SNX14: variants seen among roughly 807,000 people sequenced by gnomAD.
SNX14 encodes sorting nexin 14.
A neutral mutation model predicts 133.8 loss-of-function variants in SNX14; 93 were observed. The ratio of observed to expected loss-of-function variants is 0.70; its 90% confidence interval spans 0.59 to 0.83. The LOEUF is 0.83. Among genes scored for constraint, SNX14 ranks in the 40% least tolerant of loss-of-function variants. SNX14 has a pLI of 0.00. For missense variants in SNX14, 945 were observed against 1,094.9 expected (o/e 0.86, Z 1.93); for synonymous variants, 368 against 365.6 (o/e 1.01, Z -0.07).
intron 5 of SNX14, among the ~76,000 whole-genome samples, chr6:85,566,334 G>A (rs1388676671): frequency 6.6e-6 from 1 of 151,910 alleles, no homozygotes; most frequent in African/African-American, 2.4e-5. Context: ...GGAAAATATG[G>A]CATAGAAACG....
intron 1 of SNX14, among the ~76,000 whole-genome samples, chr6:85,587,309 T>C (rs1801227460): frequency 6.6e-6 from 1 of 151,846 alleles, no homozygotes; most frequent in South Asian, 2.1e-4. Flanking sequence ...ATTTTCAATA[T>C]CAAAAGTTAA....
chr6:85,544,551 CACTT>C (rs1784880056), intron 12 of SNX14, among the ~76,000 whole-genome samples: 2 of 152,166 alleles, frequency 1.3e-5, no homozygotes, highest in African/African-American at 2.4e-5. Context: ...GTAATCCCAG[CACTT>C]TGGGAGGCTG....
chr6:85,511,019 C>T (rs749792660), intron 26 of SNX14, among the ~76,000 whole-genome samples: 1 of 152,132 alleles, frequency 6.6e-6, no homozygotes, highest in African/African-American at 2.4e-5. Context: ...TTCAGAAGAA[C>T]GGACATCTTG....
At chr6:85,506,776 C>T (rs1770868868) in intron 28 of SNX14, among the ~76,000 whole-genome samples, 1 of 152,170 alleles carries the variant, frequency 6.6e-6, no homozygotes, top group Non-Finnish European at 1.5e-5. Context: ...TAAACCTTTG[C>T]TCAAAACTCA....
chr6:85,509,141 C>T (rs1392561207), intron 26 of SNX14, among the ~76,000 whole-genome samples: 2 of 152,164 alleles, frequency 1.3e-5, no homozygotes, highest in Non-Finnish European at 2.9e-5. Flanking sequence ...CAGAGGATAA[C>T]ACAAAGGAAT....
intron 6 of SNX14, among the ~76,000 whole-genome samples, chr6:85,562,877 C>T (rs1792203706): frequency 6.6e-6 from 1 of 152,108 alleles, no homozygotes; most frequent in Non-Finnish European, 1.5e-5. Flanking sequence ...AGCCACGGTG[C>T]ATGGCCTGGA....
At position 85,514,526 on chromosome 6, in the gene SNX14, T is replaced by C. The variant is rs373520645; in HGVS notation, c.2372A>G (p.Tyr791Cys). The C allele has an allele frequency of 3.7e-6, 6 of 1,613,396 alleles. No homozygotes were observed. The highest frequency in any genetic ancestry group is 5.1e-6 in the Non-Finnish European group (6 of 1,179,770). The change falls in exon 24 of 29, where the codon TAT becomes TGT. Residue 791 changes from tyrosine to cysteine, a missense_variant. By Grantham distance (194) the Tyr-to-Cys change is radical (BLOSUM62 -2). This residue lies in a region of SNX14 where 412 missense variants were observed against 516.6 expected (regional missense o/e 0.80). Transcript: ENST00000314673. Reference protein sequence around the residue: ...FMEVMTVEGVYDYLMYVGRVV... With the variant: ...FMEVMTVEGVCDYLMYVGRVV... ...CTTACCTACATACATCAGGTAATCA[T>C]AGACTCCTTCTACAGTCATCACCTC...
chr6:85,509,012 T>C (rs577415932), intron 26 of SNX14, among the ~76,000 whole-genome samples: 3 of 152,328 alleles, frequency 2.0e-5, no homozygotes, highest in South Asian at 2.1e-4. Flanking sequence ...CAAATCTTTG[T>C]TAATCCTCAA....
chr6:85,528,967 G>T (rs540713820), intron 19 of SNX14, among the ~76,000 whole-genome samples: 1 of 150,956 alleles, frequency 6.6e-6, no homozygotes, highest in Non-Finnish European at 1.5e-5. Flanking sequence ...CAGGAGAATC[G>T]CTGGAACCTG....
intron 17 of SNX14, among the ~76,000 whole-genome samples, chr6:85,535,124 G>C (rs1781512649): frequency 1.3e-5 from 2 of 149,506 alleles, no homozygotes; most frequent in South Asian, 4.2e-4. Flanking sequence ...GACCTCCTGA[G>C]CTCAACTAAT....
chr6:85,585,479 A>G (rs543009243), intron 1 of SNX14, among the ~76,000 whole-genome samples: 9 of 152,160 alleles, frequency 5.9e-5, no homozygotes, highest in Non-Finnish European at 1.3e-4. Context: ...ATCCAAACAC[A>G]TGAAAAGGAA....
chr6:85,531,660 A>G (rs1272014875), intron 18 of SNX14, among the ~76,000 whole-genome samples: 1 of 152,170 alleles, frequency 6.6e-6, no homozygotes, highest in Non-Finnish European at 1.5e-5. Context: ...CTCCCTCATA[A>G]TCATGGTTTC....
chr6:85,526,051 AT>A (rs1201542430), intron 21 of SNX14, 74 bp downstream of exon 21: 11 of 984,016 alleles, frequency 1.1e-5, no homozygotes, highest in Middle Eastern at 3.2e-4. Flanking sequence ...TATACTATAT[AT>A]TTTTCTAAGT....
At position 85,553,911 on chromosome 6, in the gene SNX14, C is replaced by G. The variant is rs112722900; in HGVS notation, c.635-4032G>C. 6.2e-3 allele frequency among the ~76,000 whole-genome samples: 948 copies of G among 152,060 alleles called. 7 individuals carry two copies. Among genetic ancestry groups the G allele is most frequent in the African/African-American group, 0.022 (898 of 41,482 alleles). Reference sequence around the variant, plus strand: ...TTCACACATAATATATAAATTAAATCACCAGATTGGAATCTACTCAGCACC... The same window carrying G: ...TTCACACATAATATATAAATTAAATGACCAGATTGGAATCTACTCAGCACC... On this transcript the variant is annotated intron_variant, in intron 7 of 28. Coordinates refer to ENST00000314673, the MANE Select transcript of SNX14 (RefSeq NM_153816.6).
At chr6:85,541,744 T>C (rs1582774062) in intron 15 of SNX14, among the ~76,000 whole-genome samples, 1 of 152,214 alleles carries the variant, frequency 6.6e-6, no homozygotes, top group South Asian at 2.1e-4. Flanking sequence ...AAAACTAATA[T>C]ATATTCATTA....
intron 1 of SNX14, among the ~76,000 whole-genome samples, chr6:85,577,233 G>C (rs1483580514): frequency 6.6e-6 from 1 of 151,982 alleles, no homozygotes; most frequent in Non-Finnish European, 1.5e-5. Flanking sequence ...GGCCAACATG[G>C]TGAAACCGCA....
At chr6:85,519,578 A>G (rs544490504) in intron 21 of SNX14, among the ~76,000 whole-genome samples, 1 of 152,290 alleles carries the variant, frequency 6.6e-6, no homozygotes, top group South Asian at 2.1e-4. Context: ...GCAGTGAACT[A>G]TGATTGTGTT....
At chr6:85,517,916 T>A in intron 22 of SNX14, 41 bp from the exon 23 acceptor site, 1 of 1,577,464 alleles carries the variant, frequency 6.3e-7, no homozygotes, top group East Asian at 2.3e-5. Context: ...AAAATAAAGG[T>A]AATTTTTAGT....
At chr6:85,575,842 A>G (rs1313183661) in intron 1 of SNX14, among the ~76,000 whole-genome samples, 1 of 152,256 alleles carries the variant, frequency 6.6e-6, no homozygotes, top group African/African-American at 2.4e-5. Flanking sequence ...GTTGATCCAA[A>G]CTTAGGAGTA....
Sources: gnomAD v4.1 joint callset for allele counts (sites outside exome capture counted in the v4.1 genomes callset) on GRCh38, gnomAD v4.1.1 for gene constraint, gnomAD v4.1.1 regional missense constraint, MANE v1.5 for transcripts, NCBI Gene and HGNC (gene_info 2026-07-23, HGNC 2026-07-21) for gene names.